ARMC9: variants seen among roughly 807,000 people sequenced by gnomAD.
ARMC9 encodes the protein armadillo repeat containing 9.
In ARMC9, 94 loss-of-function variants were observed where a neutral mutation model predicts 107.0. The ratio of observed to expected loss-of-function variants is 0.88; its 90% CI spans 0.74 to 1.04. ARMC9 has a LOEUF of 1.04. Among genes scored for constraint, ARMC9 ranks in the 50% least tolerant of loss-of-function variants. The pLI is 0.00. For missense variants in ARMC9, 942 were observed against 1,030.1 expected (o/e 0.91, Z 1.17); for synonymous variants, 380 against 396.9 (o/e 0.96, Z 0.51).
In ARMC9 at chr2:231,291,334, C is replaced by G. The variant is rs1259029423; in HGVS notation, c.1627-19C>G. On this transcript the variant is annotated intron_variant, in intron 17 of 24. Coordinates refer to ENST00000611582, the MANE Select transcript of ARMC9 (RefSeq NM_001352754.2). ...CCAGACACTGAAATGTTAACTATTACTTTCGCCAATACTTCTAGGGAATGG... is the reference window on the plus strand; with the variant it reads ...CCAGACACTGAAATGTTAACTATTAGTTTCGCCAATACTTCTAGGGAATGG... 6.2e-7 allele frequency: 1 copy of G among 1,601,734 alleles called. No homozygotes were observed. The highest frequency in any genetic ancestry group is 1.3e-5 in the African/African-American group (1 of 74,654).
intron 2 of ARMC9, among the ~76,000 whole-genome samples, chr2:231,207,523 A>G (rs2032198706): frequency 6.7e-6 from 1 of 148,600 alleles, no homozygotes. Context: ...TCGCCCAGGC[A>G]GGAGTACAGT....
In ARMC9 at chr2:231,364,047, T is replaced by G. The variant is rs762213881; in HGVS notation, c.2261+3164T>G. On this transcript the variant is annotated intron_variant, in intron 23 of 24. Coordinates refer to ENST00000611582, the MANE Select transcript of ARMC9 (RefSeq NM_001352754.2). ...TGACCAGCTTTAAAGATGTATTTAT[T>G]AAGAAACAAATGCATTTATCCTGCG... 8.1e-4 allele frequency among the ~76,000 whole-genome samples: 124 copies of G among 152,352 alleles called. 1 individual carries two copies. Among genetic ancestry groups the G allele is most frequent in the Non-Finnish European group, 4.0e-4 (27 of 68,030 alleles).
chr2:231,222,769 T>G lies in ARMC9; in HGVS notation c.546T>G (p.Phe182Leu), dbSNP rs755420664. 1.1e-5 allele frequency: 17 copies of G among 1,596,240 alleles called. No individual in the cohort carries two copies. The highest frequency in any genetic ancestry group is 1.4e-5 in the Non-Finnish European group (16 of 1,165,670). Residue 182 changes from phenylalanine (F) to leucine (L), a missense_variant, in exon 6 of 25, where the codon TTT becomes TTG. Coordinates refer to ENST00000611582, the MANE Select transcript of ARMC9 (RefSeq NM_001352754.2). ...AGTTAAAGTTGAAGTTGATAAAGTT[T>G]CTAGCTTTAATATCTAAAGCCAGCA... ...TPELKLKLIK[F>L]LALISKASNT...
chr2:231,212,147 A>G (rs567923157), intron 3 of ARMC9, among the ~76,000 whole-genome samples: 1 of 152,338 alleles, frequency 6.6e-6, no homozygotes, highest in African/African-American at 2.4e-5. Context: ...GTATGTTTAC[A>G]TTGTTGTGAG....
intron 4 of ARMC9, among the ~76,000 whole-genome samples, chr2:231,216,074 C>T (rs1472843445): frequency 6.6e-6 from 1 of 152,130 alleles, no homozygotes; most frequent in Non-Finnish European, 1.5e-5. Flanking sequence ...AGATAGAAGC[C>T]CCGAGAGGGG....
intron 19 of ARMC9, among the ~76,000 whole-genome samples, chr2:231,309,742 G>T (rs1183108931): frequency 6.6e-6 from 1 of 151,632 alleles, no homozygotes; most frequent in East Asian, 1.9e-4. Flanking sequence ...CAAAATCTAA[G>T]ATGTTTTTTC....
Position 231,345,532 on chromosome 2 carries a change from G to A in ARMC9, c.1994+442G>A, listed in dbSNP as rs547063407. Among the ~76,000 whole-genome samples the A allele has an allele frequency of 1.5e-3, 231 of 152,238 alleles. 1 individual carries two copies. Among genetic ancestry groups the A allele is most frequent in the African/African-American group, 4.1e-3 (171 of 41,534 alleles). ...ACAACTGGATGCTGTTTTAGCTGCC[G>A]AGCCTTATTCATCTTCCATAGCCTT... On this transcript the variant is annotated intron_variant, in intron 21 of 24. Coordinates refer to ENST00000611582, the MANE Select transcript of ARMC9 (RefSeq NM_001352754.2).
rs1214143558 is a variant in ARMC9 at position 231,373,020 on chromosome 2, T to G, written c.*1485T>G. On this transcript the variant is annotated 3_prime_UTR_variant, in exon 25 of 25. Coordinates refer to ENST00000611582, the MANE Select transcript of ARMC9 (RefSeq NM_001352754.2). The surrounding 1 kb of genome is among the most constrained non-coding windows in gnomAD (Gnocchi z 4.4). ...CATCTCGTGAATTCTTGGCAGCGGC[T>G]CCAGGCTGGGCACATTAGATGCTGT... 6.6e-6 allele frequency: 1 copy of G among 152,150 alleles called. No homozygotes were observed. The highest frequency in any genetic ancestry group is 1.5e-5 in the Non-Finnish European group (1 of 68,038). 9.4% of individuals were successfully genotyped at this position (152,150 alleles called of 1,614,324 possible).
chr2:231,335,835 G>A (rs1460335438), intron 20 of ARMC9, among the ~76,000 whole-genome samples: 3 of 152,174 alleles, frequency 2.0e-5, no homozygotes, highest in African/African-American at 7.2e-5. Flanking sequence ...CCAAGACTTT[G>A]AGAGACGAGG....
At chr2:231,309,718 A>ATT (rs531655945) in intron 19 of ARMC9, among the ~76,000 whole-genome samples, 4 of 146,624 alleles carry the variant, frequency 2.7e-5, no homozygotes, top group African/African-American at 7.4e-5. Flanking sequence ...ACTTTTTACA[A>ATT]TTTTTTTTTT....
At position 231,376,558 on chromosome 2, in the gene ARMC9, C is replaced by G. The variant is rs1200024232; in HGVS notation, c.*5023C>G. Among the ~76,000 whole-genome samples the G allele has an allele frequency of 6.6e-6, 1 of 152,176 alleles. No homozygotes were observed. Among genetic ancestry groups the G allele is most frequent in the African/African-American group, 2.4e-5 (1 of 41,432 alleles). ...AAATTTTGGTCAGACCGGTTGCTCT[C>G]AAACCCTGTCTCCTGATAAGATGTT... On this transcript the variant is annotated 3_prime_UTR_variant, in exon 25 of 25. Transcript: ENST00000611582.
chr2:231,306,038 TC>T (rs768152138), intron 19 of ARMC9, among the ~76,000 whole-genome samples: 1 of 152,190 alleles, frequency 6.6e-6, no homozygotes, highest in Non-Finnish European at 1.5e-5. Flanking sequence ...TTAAATATAT[TC>T]TGTTACATAA....
chr2:231,225,755 G>A (rs191699260), intron 6 of ARMC9, among the ~76,000 whole-genome samples: 3 of 152,266 alleles, frequency 2.0e-5, no homozygotes, highest in Non-Finnish European at 4.4e-5. Flanking sequence ...GTGAATACAG[G>A]GTTTCTTTTG....
At chr2:231,274,328 G>T (rs2039586573) in intron 14 of ARMC9, among the ~76,000 whole-genome samples, 1 of 152,158 alleles carries the variant, frequency 6.6e-6, no homozygotes, top group African/African-American at 2.4e-5. Context: ...ATGCTGGTGA[G>T]TCTGGTCTCG....
At chr2:231,348,339 G>A (rs1295604163) in intron 21 of ARMC9, among the ~76,000 whole-genome samples, 4 of 152,206 alleles carry the variant, frequency 2.6e-5, no homozygotes, top group African/African-American at 9.6e-5. Flanking sequence ...GAAAAGGCAA[G>A]GAAATAAATT....
chr2:231,303,220 G>T (rs898003016), intron 19 of ARMC9, among the ~76,000 whole-genome samples: 1 of 151,678 alleles, frequency 6.6e-6, no homozygotes, highest in African/African-American at 2.4e-5. Flanking sequence ...GTGGGTTTTG[G>T]GTTTGTTTGG....
At chr2:231,339,591 T>A (rs2044366853) in intron 20 of ARMC9, among the ~76,000 whole-genome samples, 1 of 152,130 alleles carries the variant, frequency 6.6e-6, no homozygotes, top group Non-Finnish European at 1.5e-5. Context: ...TGTAAGCCAC[T>A]GTGCATGACC....
intron 19 of ARMC9, among the ~76,000 whole-genome samples, chr2:231,302,492 A>G (rs189756329): frequency 6.8e-6 from 1 of 147,512 alleles, no homozygotes; most frequent in African/African-American, 2.5e-5. Context: ...GGATCAGAAA[A>G]ACACAGTTTG....
chr2:231,222,417 G>A (rs1397700660), intron 5 of ARMC9, among the ~76,000 whole-genome samples: 4 of 152,138 alleles, frequency 2.6e-5, no homozygotes, highest in Non-Finnish European at 5.9e-5. Context: ...ACTATTTTTG[G>A]TATGCAGCCT....
Sources: allele counts gnomAD v4.1 joint callset (sites outside exome capture counted in the v4.1 genomes callset), GRCh38; gene constraint gnomAD v4.1.1; non-coding constraint Gnocchi (gnomAD v3.1); transcripts MANE v1.5; gene names NCBI Gene and HGNC (gene_info 2026-07-23, HGNC 2026-07-21).